RFX7: variants seen among roughly 807,000 people sequenced by gnomAD.
RFX7 encodes DNA-binding protein RFX7.
In RFX7, 26 loss-of-function variants were observed where a neutral mutation model predicts 111.8. The ratio of observed to expected loss-of-function variants is 0.23; its 90% CI spans 0.17 to 0.32. The LOEUF (loss-of-function observed/expected upper bound fraction) is 0.32, where lower values mean the gene tolerates loss of function less well. RFX7 is among the 10% of genes least tolerant of loss of function. The pLI is 1.00. For missense variants in RFX7, 1,573 were observed against 1,772.9 expected (o/e 0.89, Z 2.02); for synonymous variants, 624 against 624.4 (o/e 1.00, Z 0.01).
intron 2 of RFX7, among the ~76,000 whole-genome samples, chr15:56,207,211 G>A (rs1488182558): frequency 1.3e-5 from 2 of 152,132 alleles, no homozygotes; most frequent in African/African-American, 2.4e-5. Context: ...ACTTTCATGA[G>A]GTACCTAGAG....
chr15:56,223,576 T>G (rs1414446045), intron 2 of RFX7, among the ~76,000 whole-genome samples: 1 of 152,186 alleles, frequency 6.6e-6, no homozygotes, highest in Non-Finnish European at 1.5e-5. Flanking sequence ...TTAAGGCTGG[T>G]CCTGGAAGTT....
intron 3 of RFX7, among the ~76,000 whole-genome samples, chr15:56,150,960 G>A (rs1217334064): frequency 6.6e-6 from 1 of 151,640 alleles, no homozygotes; most frequent in African/African-American, 2.4e-5. Context: ...CCAGAAGAAA[G>A]GATATCAGCT....
intron 5 of RFX7, among the ~76,000 whole-genome samples, chr15:56,107,334 T>C (rs1432722756): frequency 2.1e-5 from 3 of 139,700 alleles, no homozygotes; most frequent in Non-Finnish European, 4.7e-5. Context: ...AAGAAAGAAT[T>C]GTTTTTTTTT....
intron 8 of RFX7, 89 bp from the exon 9 acceptor site, chr15:56,098,465 T>A: frequency 7.2e-7 from 1 of 1,388,500 alleles, no homozygotes; most frequent in Non-Finnish European, 9.6e-7. Flanking sequence ...TGTAGCCATC[T>A]ACTGGACAAA....
intron 3 of RFX7, among the ~76,000 whole-genome samples, chr15:56,147,981 T>TA (rs1242878492): frequency 6.6e-6 from 1 of 152,258 alleles, no homozygotes; most frequent in African/African-American, 2.4e-5. Context: ...AGTCTTCACT[T>TA]ACTTGAGTTG....
At chr15:56,107,962 TG>T (rs1303605033) in intron 5 of RFX7, among the ~76,000 whole-genome samples, 1 of 152,026 alleles carries the variant, frequency 6.6e-6, no homozygotes, top group East Asian at 1.9e-4. Context: ...CTAGAAGAAA[TG>T]GAAAAATTCC....
chr15:56,219,822 A>G (rs1254799758), intron 2 of RFX7, among the ~76,000 whole-genome samples: 1 of 152,214 alleles, frequency 6.6e-6, no homozygotes, highest in African/African-American at 2.4e-5. Context: ...GCTGCAGTGA[A>G]AATATGTGTG....
intron 2 of RFX7, chr15:56,193,213 T>A (rs56156930): frequency 0.13 from 22,672 of 173,002 alleles, 1,940 homozygotes; most frequent in East Asian, 0.42. Context: ...TTGCCCAAGG[T>A]TGTGGACAAG....
intron 5 of RFX7, among the ~76,000 whole-genome samples, chr15:56,140,546 C>A (rs528518654): frequency 5.4e-4 from 83 of 152,336 alleles, no homozygotes; most frequent in African/African-American, 2.0e-3. Flanking sequence ...AACCCAGTAC[C>A]TCAGATGGAA....
chr15:56,176,802 C>CA lies in RFX7; in HGVS notation c.195+2467dup, dbSNP rs1340144427. Among the ~76,000 whole-genome samples, 21 of 151,114 alleles carry CA rather than the reference C, an allele frequency of 1.4e-4. No individual in the cohort carries two copies. In the East Asian group the frequency reaches 1.7e-3, roughly 13 times the overall value. On this transcript the variant is annotated intron_variant, in intron 3 of 9. Coordinates refer to ENST00000559447, the MANE Select transcript of RFX7 (RefSeq NM_022841.7). The stretch of plus-strand genomic sequence containing the variant: ...AAAATGCCTTAAATCCATCTACTTA[C>CA]AAAAAAAAATCTTCCATTGCCATCA...
At chr15:56,148,142 G>C (rs2042510238) in intron 3 of RFX7, among the ~76,000 whole-genome samples, 1 of 152,140 alleles carries the variant, frequency 6.6e-6, no homozygotes, top group African/African-American at 2.4e-5. Context: ...TCTTTCTCAT[G>C]CACTTCAATC....
chr15:56,147,217 A>G (rs557602008), intron 3 of RFX7, among the ~76,000 whole-genome samples: 1 of 152,222 alleles, frequency 6.6e-6, no homozygotes, highest in Non-Finnish European at 1.5e-5. Context: ...CAGAGAAAAG[A>G]CCAACTTCAT....
intron 3 of RFX7, among the ~76,000 whole-genome samples, chr15:56,175,039 G>A (rs140493994): frequency 3.9e-5 from 6 of 152,148 alleles, no homozygotes; most frequent in East Asian, 3.9e-4. Flanking sequence ...CTTTTTATTC[G>A]TAGATAATAT....
intron 3 of RFX7, among the ~76,000 whole-genome samples, chr15:56,165,113 G>T (rs1458526549): frequency 2.0e-5 from 3 of 152,050 alleles, no homozygotes; most frequent in African/African-American, 7.2e-5. Context: ...TCACAATAGG[G>T]TTTGTGCTCC....
At chr15:56,147,782 C>T (rs182260319) in intron 3 of RFX7, among the ~76,000 whole-genome samples, 108 of 152,198 alleles carry the variant, frequency 7.1e-4, no homozygotes, top group African/African-American at 2.5e-3. Flanking sequence ...ACCGTGTTAG[C>T]GAGGATGGTC....
chr15:56,243,299 T>A lies in RFX7; in HGVS notation c.-2-12A>T. ...TTCCTCTGCCATCGCTGCAGAGGGG[T>A]GGGAGGGAGGGAGGGAAAGATGGGG... On this transcript the variant is annotated splice_polypyrimidine_tract_variant and intron_variant, in intron 1 of 9. Transcript: ENST00000559447. 2.0e-4 allele frequency: 11 copies of A among 55,158 alleles called. No homozygotes were observed. Among genetic ancestry groups the A allele is most frequent in the Non-Finnish European group, 3.8e-4 (11 of 28,706 alleles). 3.4% of individuals were successfully genotyped at this position (55,158 alleles called of 1,614,324 possible). A position where few individuals can be genotyped will look rare whatever the true frequency, so the allele number is the denominator to read the frequency against.
intron 2 of RFX7, among the ~76,000 whole-genome samples, chr15:56,237,214 T>C (rs775821534): frequency 7.9e-5 from 12 of 152,188 alleles, no homozygotes; most frequent in Admixed American, 6.5e-4. Flanking sequence ...TAAGGTCTAC[T>C]TTTTCCACAG....
At chr15:56,178,862 C>T (rs1346062510) in intron 3 of RFX7, among the ~76,000 whole-genome samples, 2 of 152,146 alleles carry the variant, frequency 1.3e-5, no homozygotes, top group African/African-American at 4.8e-5. Context: ...ATTATTATGG[C>T]TTAATTCCTA....
chr15:56,131,618 C>G (rs943081538), intron 5 of RFX7, among the ~76,000 whole-genome samples: 11 of 152,166 alleles, frequency 7.2e-5, no homozygotes, highest in Non-Finnish European at 1.3e-4. Context: ...AGAAGCACTG[C>G]AAAATAATCT....
Sources: allele counts gnomAD v4.1 joint callset (sites outside exome capture counted in the v4.1 genomes callset), GRCh38; gene constraint gnomAD v4.1.1; transcripts MANE v1.5; gene names NCBI Gene and HGNC (gene_info 2026-07-23, HGNC 2026-07-21).